The following GALNT13 variants were observed in gnomAD, a reference collection of about 807,000 sequenced individuals.
GALNT13 encodes the protein polypeptide N-acetylgalactosaminyltransferase 13, also known as UDP-GalNAc:polypeptide N-acetylgalactosaminyltransferase 13.
A neutral mutation model predicts 64.2 loss-of-function variants in GALNT13; 28 were observed. That is an observed-to-expected ratio of 0.44 (90% CI 0.32 to 0.60). The LOEUF is 0.60. Ranked by LOEUF, GALNT13 falls within the 20% of genes least tolerant of loss-of-function variation. GALNT13 has a pLI of 0.05. For missense variants in GALNT13, 577 were observed against 669.8 expected (o/e 0.86, Z 1.53); for synonymous variants, 214 against 224.6 (o/e 0.95, Z 0.42).
the GALNT13 span, among the ~76,000 whole-genome samples, chr2:153,433,438 C>CTT: frequency 7.5e-6 from 1 of 132,994 alleles, no homozygotes; most frequent in African/African-American, 2.8e-5. Flanking sequence ...TGGCAATCCT[C>CTT]TTATCCTGGT....
chr2:153,107,970 TG>T, the GALNT13 span, among the ~76,000 whole-genome samples: 6 of 152,178 alleles, frequency 3.9e-5, no homozygotes, highest in Non-Finnish European at 8.8e-5. Context: ...TCTGCTTCCC[TG>T]GGTTCAAGCA....
In GALNT13 at chr2:154,019,633, CACACACACACACACACACACAA is replaced by C. The variant is rs1291868647; in HGVS notation, c.142+74996_142+75017del. Among the ~76,000 whole-genome samples the C allele has an allele frequency of 6.7e-5, 10 of 149,262 alleles. No individual in the cohort carries two copies. The South Asian group carries it at 8.6e-4, about 13-fold the overall frequency. On this transcript the variant is annotated intron_variant, in intron 3 of 12. Coordinates refer to ENST00000392825, the MANE Select transcript of GALNT13 (RefSeq NM_052917.4). Reference sequence around the variant, plus strand: ...ACACACACACACACACACACACACACACACACACACACACACACACAAAAGCAAGAAAAATGCACATGTTTAA... The same window carrying C: ...ACACACACACACACACACACACACACAAGCAAGAAAAATGCACATGTTTAA...
intron 9 of GALNT13, among the ~76,000 whole-genome samples, chr2:154,320,520 C>T (rs953121228): frequency 6.6e-6 from 1 of 152,122 alleles, no homozygotes; most frequent in Non-Finnish European, 1.5e-5. Context: ...ATTGTGCTCA[C>T]AGAAGTCTTT....
the GALNT13 span, among the ~76,000 whole-genome samples, chr2:153,244,516 G>A: frequency 6.6e-6 from 1 of 152,202 alleles, no homozygotes; most frequent in Non-Finnish European, 1.5e-5. Flanking sequence ...AGCAGAAGCA[G>A]GGTGGGGTGT....
the GALNT13 span, among the ~76,000 whole-genome samples, chr2:153,254,634 C>T: frequency 6.6e-6 from 1 of 152,040 alleles, no homozygotes; most frequent in African/African-American, 2.4e-5. Flanking sequence ...CCACACACTG[C>T]TTTGGATGTG....
At chr2:153,348,817 G>A in the GALNT13 span, among the ~76,000 whole-genome samples, 1 of 152,284 alleles carries the variant, frequency 6.6e-6, no homozygotes, top group African/African-American at 2.4e-5. Context: ...GGATTTAATT[G>A]TTGCCCGGTC....
At chr2:153,541,259 C>A in the GALNT13 span, among the ~76,000 whole-genome samples, 2 of 152,132 alleles carry the variant, frequency 1.3e-5, no homozygotes, top group Admixed American at 6.6e-5. Context: ...TTCCTGCCAC[C>A]ATGTGAAGGA....
At chr2:154,354,777 G>A (rs766996284) in intron 9 of GALNT13, among the ~76,000 whole-genome samples, 5 of 151,886 alleles carry the variant, frequency 3.3e-5, no homozygotes, top group Admixed American at 6.6e-5. Flanking sequence ...ACCGGTCGAT[G>A]TTTCTGTTTA....
chr2:153,428,070 A>G, the GALNT13 span, among the ~76,000 whole-genome samples: 4 of 152,374 alleles, frequency 2.6e-5, no homozygotes, highest in East Asian at 3.9e-4. Flanking sequence ...AGAGTCAAGG[A>G]TGATCAAAAG....
chr2:153,357,343 G>T, the GALNT13 span: 2 of 152,036 alleles, frequency 1.3e-5, no homozygotes, highest in Admixed American at 6.5e-5. Context: ...AATACTGAAG[G>T]TGTTTATTTC....
At chr2:153,803,537 A>G in the GALNT13 span, among the ~76,000 whole-genome samples, 1 of 152,136 alleles carries the variant, frequency 6.6e-6, no homozygotes, top group East Asian at 1.9e-4. Context: ...CTAAAAATAC[A>G]AAAAGTTAGC....
intron 3 of GALNT13, among the ~76,000 whole-genome samples, chr2:153,956,027 A>G (rs141544451): frequency 1.3e-5 from 2 of 152,334 alleles, no homozygotes; most frequent in African/African-American, 2.4e-5. Flanking sequence ...CCCAAAATCC[A>G]TAGGCCAAAG....
At chr2:153,153,919 T>G in the GALNT13 span, among the ~76,000 whole-genome samples, 1 of 152,238 alleles carries the variant, frequency 6.6e-6, no homozygotes, top group African/African-American at 2.4e-5. Context: ...AATAATCTTT[T>G]CCAATTCTGT....
chr2:154,412,860 A>G (rs928118811), intron 11 of GALNT13, among the ~76,000 whole-genome samples: 4 of 151,884 alleles, frequency 2.6e-5, no homozygotes, highest in African/African-American at 4.8e-5. Context: ...AAGAATAACA[A>G]AATTCAGCAC....
intron 3 of GALNT13, among the ~76,000 whole-genome samples, chr2:154,054,279 C>T (rs1392399986): frequency 6.6e-6 from 1 of 151,790 alleles, no homozygotes; most frequent in Non-Finnish European, 1.5e-5. Context: ...GTTTTGTATG[C>T]TACCTTTCTC....
chr2:154,244,050 TAAAATGAA>T (rs1469720911), intron 6 of GALNT13, among the ~76,000 whole-genome samples: 1 of 152,196 alleles, frequency 6.6e-6, no homozygotes, highest in Non-Finnish European at 1.5e-5. Context: ...ACTGGCAAAG[TAAAATGAA>T]CTTAAAAATG....
the GALNT13 span, among the ~76,000 whole-genome samples, chr2:153,497,950 G>C: frequency 2.0e-5 from 3 of 152,196 alleles, no homozygotes; most frequent in Non-Finnish European, 4.4e-5. Flanking sequence ...ATGTTGCTTT[G>C]TAGGTTAATG....
At chr2:153,605,184 G>T in the GALNT13 span, among the ~76,000 whole-genome samples, 1 of 151,982 alleles carries the variant, frequency 6.6e-6, no homozygotes, top group Non-Finnish European at 1.5e-5. Context: ...TAGCTTTTTC[G>T]CAGCCTTCTA....
the GALNT13 span, among the ~76,000 whole-genome samples, chr2:153,441,232 A>G: frequency 6.6e-6 from 1 of 152,124 alleles, no homozygotes; most frequent in Admixed American, 6.6e-5. Flanking sequence ...TGTTTGTATC[A>G]GGTTTGTCAA....
Sources: gnomAD v4.1 joint callset for allele counts (sites outside exome capture counted in the v4.1 genomes callset) on GRCh38, gnomAD v4.1.1 for gene constraint, MANE v1.5 for transcripts, NCBI Gene and HGNC (gene_info 2026-07-23, HGNC 2026-07-21) for gene names.